The following FSTL4 variants were observed in gnomAD, a reference collection of about 807,000 sequenced individuals.
FSTL4 encodes the protein follistatin like 4.
A neutral mutation model predicts 78.2 loss-of-function variants in FSTL4; 28 were observed. The observed-to-expected ratio is 0.36, with a 90% CI of 0.27 to 0.49. The LOEUF is 0.49. Among genes scored for constraint, FSTL4 ranks in the 20% least tolerant of loss-of-function variants. FSTL4 has a pLI of 0.98. For synonymous variants in FSTL4, 422 were observed against 440.5 expected (o/e 0.96, Z 0.53); for missense variants, 922 against 1,084.9 (o/e 0.85, Z 2.11).
chr5:133,597,198 G>A (rs1447970863), intron 2 of FSTL4, among the ~76,000 whole-genome samples: 3 of 152,250 alleles, frequency 2.0e-5, no homozygotes, highest in African/African-American at 4.8e-5. Flanking sequence ...AGCCATGGAG[G>A]CAGAAGGACA....
chr5:133,820,724 T>C, the FSTL4 span, among the ~76,000 whole-genome samples: 1 of 152,242 alleles, frequency 6.6e-6, no homozygotes, highest in Admixed American at 6.5e-5. Context: ...AGGCTTCATG[T>C]TTCACTTACT....
intron 2 of FSTL4, among the ~76,000 whole-genome samples, chr5:133,581,962 A>G (rs375120): frequency 0.066 from 10,091 of 152,256 alleles, 369 homozygotes; most frequent in Non-Finnish European, 0.073. Context: ...GGGTTCTCCA[A>G]TGAGGGTGCC....
At chr5:133,291,498 T>C (rs1468559192) in intron 6 of FSTL4, among the ~76,000 whole-genome samples, 3 of 152,204 alleles carry the variant, frequency 2.0e-5, no homozygotes, top group Non-Finnish European at 2.9e-5. Context: ...AGACACTGTA[T>C]GGCTTACAAG....
chr5:133,715,525 ATAGTGATTAAGCC>A, the FSTL4 span, among the ~76,000 whole-genome samples: 1 of 152,220 alleles, frequency 6.6e-6, no homozygotes, highest in Admixed American at 6.5e-5. Context: ...TCTTGATACC[ATAGTGATTAAGCC>A]TTTTGTTCAT....
the FSTL4 span, among the ~76,000 whole-genome samples, chr5:133,772,395 A>G: frequency 3.9e-5 from 6 of 152,328 alleles, no homozygotes; most frequent in East Asian, 1.2e-3. Flanking sequence ...ATACCAGGTC[A>G]TGAAAGTAGT....
chr5:133,364,827 T>C (rs192966910), intron 4 of FSTL4, among the ~76,000 whole-genome samples: 162 of 152,334 alleles, frequency 1.1e-3, no homozygotes, highest in African/African-American at 3.8e-3. Flanking sequence ...TAAAAATATA[T>C]TCTGTGTATG....
At chr5:133,237,150 A>T (rs1581556272) in intron 7 of FSTL4, among the ~76,000 whole-genome samples, 1 of 152,102 alleles carries the variant, frequency 6.6e-6, no homozygotes, top group Non-Finnish European at 1.5e-5. Flanking sequence ...TGGCGGGAGG[A>T]GCAGAGCACT....
intron 2 of FSTL4, among the ~76,000 whole-genome samples, chr5:133,590,017 A>G (rs887855739): frequency 2.0e-5 from 3 of 152,264 alleles, no homozygotes; most frequent in African/African-American, 7.2e-5. Flanking sequence ...AAAGCTGTTT[A>G]TTAATTCTAT....
chr5:133,741,798 G>A, the FSTL4 span, among the ~76,000 whole-genome samples: 4 of 152,342 alleles, frequency 2.6e-5, no homozygotes, highest in Admixed American at 2.6e-4. Context: ...GGCACAAGGA[G>A]TCAGTGGGGC....
intron 3 of FSTL4, among the ~76,000 whole-genome samples, chr5:133,473,269 A>G (rs966006477): frequency 6.6e-6 from 1 of 152,218 alleles, no homozygotes; most frequent in Non-Finnish European, 1.5e-5. Flanking sequence ...TACAGGTGAC[A>G]CGTCAAAGCA....
chr5:133,339,181 C>T (rs533379139), intron 4 of FSTL4, among the ~76,000 whole-genome samples: 8 of 152,186 alleles, frequency 5.3e-5, no homozygotes, highest in Non-Finnish European at 7.3e-5. Context: ...ATCTTGCCCC[C>T]GCCCCTTTCC....
chr5:133,798,232 AT>A, the FSTL4 span, among the ~76,000 whole-genome samples: 4 of 152,204 alleles, frequency 2.6e-5, no homozygotes, highest in African/African-American at 9.7e-5. Context: ...TAAAAATAAA[AT>A]TTTAAATCAT....
intron 8 of FSTL4, among the ~76,000 whole-genome samples, chr5:133,231,791 C>T (rs1161066168): frequency 6.6e-6 from 1 of 152,206 alleles, no homozygotes; most frequent in African/African-American, 2.4e-5. Context: ...GATCCAGCCT[C>T]AACCTCCCAA....
the FSTL4 span, among the ~76,000 whole-genome samples, chr5:133,760,454 G>C: frequency 6.6e-6 from 1 of 152,168 alleles, no homozygotes; most frequent in Non-Finnish European, 1.5e-5. Context: ...TGGTACCCCA[G>C]GGCTGAAGCC....
At chr5:133,512,636 A>T (rs1758757594) in intron 3 of FSTL4, among the ~76,000 whole-genome samples, 1 of 152,204 alleles carries the variant, frequency 6.6e-6, no homozygotes, top group African/African-American at 2.4e-5. Context: ...TCTGCATCAT[A>T]AATTATGTAG....
At chr5:133,365,461 G>A (rs1342627080) in intron 4 of FSTL4, among the ~76,000 whole-genome samples, 1 of 152,138 alleles carries the variant, frequency 6.6e-6, no homozygotes, top group Non-Finnish European at 1.5e-5. Context: ...TTTCAAATGC[G>A]GCTGTCATTT....
the FSTL4 span, among the ~76,000 whole-genome samples, chr5:133,698,786 C>G: frequency 1.3e-5 from 2 of 152,212 alleles, no homozygotes; most frequent in African/African-American, 4.8e-5. Flanking sequence ...TGGCCAAAGT[C>G]CCCTCTGGGC....
At chr5:133,323,702 A>G (rs1754130819) in intron 4 of FSTL4, among the ~76,000 whole-genome samples, 1 of 152,208 alleles carries the variant, frequency 6.6e-6, no homozygotes, top group South Asian at 2.1e-4. Context: ...CCCTGGCCTC[A>G]GGCTCCTTGC....
Position 133,199,075 on chromosome 5 carries a change from AG to A in FSTL4, c.*19del. 1 of 1,446,888 alleles carries A rather than the reference AG, an allele frequency of 6.9e-7. No individual in the cohort carries two copies. Among genetic ancestry groups the A allele is most frequent in the Non-Finnish European group, 9.3e-7 (1 of 1,072,184 alleles). 89.6% of individuals were successfully genotyped at this position (1,446,888 alleles called of 1,614,324 possible). A position where few individuals can be genotyped will look rare whatever the true frequency, so the allele number is the denominator to read the frequency against. ...AGGACTAGGGGGTGTTCCTTGGCCCAGGGCTCTGCTCTGGGCCCTTCATACC... is the reference window on the plus strand; with the variant it reads ...AGGACTAGGGGGTGTTCCTTGGCCCAGGCTCTGCTCTGGGCCCTTCATACC... On this transcript the variant is annotated 3_prime_UTR_variant, in exon 16 of 16. Transcript: ENST00000265342. This position sits in a 1 kb window ranked among gnomAD's most constrained non-coding sequence, Gnocchi z 4.4.
Sources: allele counts gnomAD v4.1 joint callset (sites outside exome capture counted in the v4.1 genomes callset), GRCh38; gene constraint gnomAD v4.1.1; non-coding constraint Gnocchi (gnomAD v3.1); transcripts MANE v1.5; gene names NCBI Gene and HGNC (gene_info 2026-07-23, HGNC 2026-07-21).